The following PLCL2 variants were observed in gnomAD, a reference collection of about 807,000 sequenced individuals.
PLCL2 encodes phospholipase C like 2.
A neutral mutation model predicts 79.6 loss-of-function variants in PLCL2; 4 were observed. The ratio of observed to expected loss-of-function variants is 0.05; its 90% CI spans 0.02 to 0.11. The LOEUF (loss-of-function observed/expected upper bound fraction) is 0.11, where lower values mean the gene tolerates loss of function less well. Among genes scored for constraint, PLCL2 ranks in the 10% least tolerant of loss-of-function variants. PLCL2 has a pLI of 1.00. For synonymous variants in PLCL2, 484 were observed against 457.7 expected (o/e 1.06, Z -0.73); for missense variants, 895 against 1,291.0 (o/e 0.69, Z 4.70).
chr3:16,996,978 G>A (rs934965098), intron 1 of PLCL2, among the ~76,000 whole-genome samples: 1 of 152,110 alleles, frequency 6.6e-6, no homozygotes, highest in African/African-American at 2.4e-5. Context: ...AAATTCTTTT[G>A]AAGATGCTTG....
intron 3 of PLCL2, among the ~76,000 whole-genome samples, chr3:17,031,456 G>A (rs2064580961): frequency 6.6e-6 from 1 of 152,110 alleles, no homozygotes; most frequent in South Asian, 2.1e-4. Flanking sequence ...TGAGCACAAG[G>A]CACACATAAA....
chr3:16,978,737 C>T (rs937017876), intron 1 of PLCL2, among the ~76,000 whole-genome samples: 5 of 152,188 alleles, frequency 3.3e-5, no homozygotes, highest in Non-Finnish European at 2.9e-5. Flanking sequence ...CAGAGGACAT[C>T]GTGTCAGTGC....
chr3:17,069,362 CTCT>C (rs771764729), intron 5 of PLCL2, among the ~76,000 whole-genome samples: 1 of 152,266 alleles, frequency 6.6e-6, no homozygotes, highest in East Asian at 1.9e-4. Flanking sequence ...AATTTTCAGT[CTCT>C]TCTTCTGTAA....
chr3:16,895,260 T>C (rs1696452584), intron 1 of PLCL2, among the ~76,000 whole-genome samples: 1 of 152,156 alleles, frequency 6.6e-6, no homozygotes, highest in Non-Finnish European at 1.5e-5. Flanking sequence ...GTATTTTTCT[T>C]TATGGTTATT....
intron 4 of PLCL2, among the ~76,000 whole-genome samples, chr3:17,060,211 C>T (rs1225578839): frequency 6.6e-6 from 1 of 150,614 alleles, no homozygotes; most frequent in Non-Finnish European, 1.5e-5. Context: ...CTAGATCTAC[C>T]CAGATGGAAA....
intron 1 of PLCL2, among the ~76,000 whole-genome samples, chr3:16,988,143 T>A (rs568182459): frequency 6.6e-6 from 1 of 152,260 alleles, no homozygotes; most frequent in Non-Finnish European, 1.5e-5. Context: ...TCGTGGAGTG[T>A]CTCCGCTCTG....
At chr3:17,075,832 G>A (rs1395287340) in intron 5 of PLCL2, among the ~76,000 whole-genome samples, 1 of 152,186 alleles carries the variant, frequency 6.6e-6, no homozygotes, top group Non-Finnish European at 1.5e-5. Flanking sequence ...AGTCATACAA[G>A]TTAATGTAGG....
chr3:16,919,035 G>A (rs1272975402), intron 1 of PLCL2, among the ~76,000 whole-genome samples: 1 of 152,134 alleles, frequency 6.6e-6, no homozygotes, highest in African/African-American at 2.4e-5. Context: ...ACTTAGAGCA[G>A]TTGTTAACCA....
intron 1 of PLCL2, among the ~76,000 whole-genome samples, chr3:16,925,219 G>T (rs867332430): frequency 7.5e-6 from 1 of 133,078 alleles, no homozygotes; most frequent in Non-Finnish European, 1.6e-5. Context: ...CACCGCGCCC[G>T]GCCAGGGTTT....
At chr3:16,972,129 A>T (rs2063875931) in intron 1 of PLCL2, among the ~76,000 whole-genome samples, 1 of 152,116 alleles carries the variant, frequency 6.6e-6, no homozygotes, top group South Asian at 2.1e-4. Flanking sequence ...CAAGACAGGG[A>T]TGCCCCCTCT....
chr3:17,018,970 G>A (rs1198459849), intron 3 of PLCL2, among the ~76,000 whole-genome samples: 1 of 152,144 alleles, frequency 6.6e-6, no homozygotes, highest in Non-Finnish European at 1.5e-5. Context: ...TTTAGTTGAA[G>A]AGATGCTGCA....
chr3:17,089,394 A>G (rs2065251974), intron 5 of PLCL2, among the ~76,000 whole-genome samples: 1 of 152,168 alleles, frequency 6.6e-6, no homozygotes, highest in Admixed American at 6.5e-5. Flanking sequence ...TTTTTTAATC[A>G]AACCTTAAAA....
chr3:16,938,676 G>T (rs1462064395), intron 1 of PLCL2, among the ~76,000 whole-genome samples: 2 of 152,204 alleles, frequency 1.3e-5, no homozygotes, highest in Non-Finnish European at 2.9e-5. Context: ...TGGACACCAG[G>T]ATGTCATAGC....
chr3:16,940,347 C>A (rs1045464825), intron 1 of PLCL2, among the ~76,000 whole-genome samples: 2 of 152,170 alleles, frequency 1.3e-5, no homozygotes, highest in African/African-American at 4.8e-5. Context: ...AAAAAAAGTT[C>A]AACTCTCTCT....
At chr3:16,953,273 CAAT>C (rs1218954299) in intron 1 of PLCL2, among the ~76,000 whole-genome samples, 2 of 152,060 alleles carry the variant, frequency 1.3e-5, no homozygotes, top group Non-Finnish European at 2.9e-5. Context: ...TAGGAAATAA[CAAT>C]ACCTACCTGT....
intron 5 of PLCL2, among the ~76,000 whole-genome samples, chr3:17,088,678 C>G (rs1306614933): frequency 6.6e-6 from 1 of 152,174 alleles, no homozygotes; most frequent in Non-Finnish European, 1.5e-5. Context: ...ACTCAAGAGA[C>G]AGTTAGCAAT....
In PLCL2 at chr3:16,895,095, T is replaced by C. The variant is rs183795504; in HGVS notation, c.327+9729T>C. Among the ~76,000 whole-genome samples the C allele has an allele frequency of 8.4e-5, 12 of 142,202 alleles. No homozygotes were observed. The East Asian group carries it at 1.3e-3, about 15-fold the overall frequency. 93.3% of individuals were successfully genotyped at this position (142,202 alleles called of 152,430 possible). A position where few individuals can be genotyped will look rare whatever the true frequency, so the allele number is the denominator to read the frequency against. ...ATAGATATAGATATATGTTGAAACA[T>C]GTATCTATATCGATATAGATATATG... On this transcript the variant is annotated intron_variant, in intron 1 of 5. Transcript: ENST00000615277.
intron 1 of PLCL2, among the ~76,000 whole-genome samples, chr3:16,954,321 C>A (rs2124962145): frequency 6.6e-6 from 1 of 152,260 alleles, no homozygotes; most frequent in African/African-American, 2.4e-5. Context: ...ATGATGGTTT[C>A]CAGTTTCATC....
At chr3:16,924,313 A>G (rs1052241490) in intron 1 of PLCL2, among the ~76,000 whole-genome samples, 1 of 152,142 alleles carries the variant, frequency 6.6e-6, no homozygotes, top group Non-Finnish European at 1.5e-5. Flanking sequence ...TGACATTTCT[A>G]TACTAATTTT....
Sources: gnomAD v4.1 joint callset for allele counts (sites outside exome capture counted in the v4.1 genomes callset) on GRCh38, gnomAD v4.1.1 for gene constraint, MANE v1.5 for transcripts, NCBI Gene and HGNC (gene_info 2026-07-23, HGNC 2026-07-21) for gene names.